Variants in SLC30A9 observed in about 807,000 individuals in gnomAD.
SLC30A9 encodes the protein proton-coupled zinc antiporter SLC30A9, mitochondrial.
A neutral mutation model predicts 87.5 loss-of-function variants in SLC30A9; 58 were observed. The observed-to-expected ratio is 0.66, with a 90% confidence interval of 0.54 to 0.82. SLC30A9 has a LOEUF of 0.82. SLC30A9 is among the 40% of genes least tolerant of loss of function. The pLI is 0.00. For missense variants in SLC30A9, 557 were observed against 679.1 expected, an observed-to-expected ratio of 0.82 and a Z score of 2.00; for synonymous variants, 234 against 233.0, an observed-to-expected ratio of 1.00 and a Z score of -0.04.
At chr4:42,049,526 G>A (rs2153138457) in intron 9 of SLC30A9, 47 bp downstream of exon 9, 2 of 1,004,584 alleles carry the variant, frequency 2.0e-6, no homozygotes, top group East Asian at 2.6e-5. Flanking sequence ...AGTAATAGTT[G>A]TAGGCTTTAA....
intron 1 of SLC30A9, among the ~76,000 whole-genome samples, chr4:41,995,661 A>G (rs1714667969): frequency 1.3e-5 from 2 of 152,188 alleles, no homozygotes; most frequent in Admixed American, 6.5e-5. Flanking sequence ...TGGGAGAAAG[A>G]GCAATTTGGG....
At chr4:42,007,928 A>G (rs1019236961) in intron 2 of SLC30A9, among the ~76,000 whole-genome samples, 4 of 152,144 alleles carry the variant, frequency 2.6e-5, no homozygotes, top group African/African-American at 7.2e-5. Context: ...AAAACAGATC[A>G]TGTCACTTTT....
intron 2 of SLC30A9, among the ~76,000 whole-genome samples, chr4:42,007,676 G>A (rs948832435): frequency 5.3e-5 from 8 of 152,146 alleles, no homozygotes; most frequent in African/African-American, 1.2e-4. Context: ...AGAATCGCTC[G>A]AACCCAGGAG....
chr4:41,992,007 T>C (rs1436853722), intron 1 of SLC30A9, among the ~76,000 whole-genome samples: 1 of 152,178 alleles, frequency 6.6e-6, no homozygotes, highest in Non-Finnish European at 1.5e-5. Context: ...TTTTTCCATA[T>C]TGGCAATATA....
At chr4:42,061,387 T>G (rs1359865072) in intron 10 of SLC30A9, among the ~76,000 whole-genome samples, 1 of 152,232 alleles carries the variant, frequency 6.6e-6, no homozygotes, top group Non-Finnish European at 1.5e-5. Flanking sequence ...TAATCAAAAT[T>G]TTCAATAAGT....
At position 41,992,607 on chromosome 4, in the gene SLC30A9, AAC is replaced by A. The variant is rs550148995; in HGVS notation, c.109+1851_109+1852del. On this transcript the variant is annotated intron_variant, in intron 1 of 17. Transcript: ENST00000264451. The stretch of plus-strand genomic sequence containing the variant: ...TATTCTTTGTCTCATCTGTCTGTGA[AAC>A]ACAGATAATTATTACCTACCTTAGT... Among the ~76,000 whole-genome samples, 467 of 152,322 alleles carry A rather than the reference AAC, an allele frequency of 3.1e-3. 1 individual carries two copies. Among genetic ancestry groups the A allele is most frequent in the African/African-American group, 0.011 (454 of 41,560 alleles).
intron 9 of SLC30A9, among the ~76,000 whole-genome samples, chr4:42,056,423 CAAGAG>C (rs1229979281): frequency 1.3e-5 from 2 of 152,114 alleles, no homozygotes; most frequent in African/African-American, 4.8e-5. Context: ...TGGCAGCAGA[CAAGAG>C]AAGAGGGCTT....
Position 42,021,679 on chromosome 4 carries a change from G to A in SLC30A9, c.435-1159G>A, listed in dbSNP as rs574993805. The stretch of plus-strand genomic sequence containing the variant: ...ATCTACATATAAACAAATAATGACT[G>A]TAAATTTTTAACTTAAATTCTTAAG... On this transcript the variant is annotated intron_variant, in intron 4 of 17. Transcript: ENST00000264451. 4.3e-3 allele frequency among the ~76,000 whole-genome samples: 647 copies of A among 152,134 alleles called. 8 individuals are homozygous for A. The highest frequency in any genetic ancestry group is 0.015 in the African/African-American group (623 of 41,484).
intron 2 of SLC30A9, among the ~76,000 whole-genome samples, chr4:42,003,744 C>A (rs566873435): frequency 1.4e-5 from 2 of 139,130 alleles, no homozygotes; most frequent in South Asian, 5.1e-4. Context: ...GTCCTGTTTT[C>A]TTAAATTCCT....
chr4:42,044,437 G>T, intron 8 of SLC30A9, among the ~76,000 whole-genome samples: 1 of 129,102 alleles, frequency 7.7e-6, no homozygotes, highest in African/African-American at 3.2e-5. Context: ...TGACAAAAAA[G>T]ATTTTAAACC....
At position 42,076,078 on chromosome 4, in the gene SLC30A9, T is replaced by C. The variant is rs541612642; in HGVS notation, c.1548+292T>C. On this transcript the variant is annotated intron_variant, in intron 16 of 17. Coordinates refer to ENST00000264451, the MANE Select transcript of SLC30A9 (RefSeq NM_006345.4). ...AATAACATTTTTATTTTAACATATA[T>C]AGAAATTGAAAGACAGAGATTAAGT... Among the ~76,000 whole-genome samples, 7 of 152,300 alleles carry C rather than the reference T, an allele frequency of 4.6e-5. No individual in the cohort carries two copies. In the East Asian group the frequency reaches 1.2e-3, roughly 25 times the overall value.
intron 17 of SLC30A9, among the ~76,000 whole-genome samples, chr4:42,084,775 G>A (rs958885481): frequency 6.6e-6 from 1 of 152,124 alleles, no homozygotes; most frequent in Admixed American, 6.5e-5. Context: ...CCGGCCAGGT[G>A]CCCTTCCTTT....
chr4:42,077,750 T>C (rs1718611367), intron 16 of SLC30A9, among the ~76,000 whole-genome samples: 1 of 152,178 alleles, frequency 6.6e-6, no homozygotes, highest in Admixed American at 6.5e-5. Flanking sequence ...TTTAATATGA[T>C]TTTTAATTTT....
At position 42,001,683 on chromosome 4, in the gene SLC30A9, T is replaced by A; in HGVS notation, c.177T>A (p.Gly59=). The A allele has an allele frequency of 1.2e-6, 2 of 1,608,736 alleles. No individual in the cohort carries two copies. The highest frequency in any genetic ancestry group is 1.7e-6 in the Non-Finnish European group (2 of 1,175,530). ...TTCCCTGTAGTCATCCATATATTGG[T>A]ACCCTGAGTCAAGTAAAGTTGTACT... The part of the protein sequence containing the change: ...NMVPCSHPYI[G]TLSQVKLYST... The change falls in exon 2 of 18, where the codon GGT becomes GGA. Residue 59 remains glycine (G), a synonymous_variant. Coordinates refer to ENST00000264451, the MANE Select transcript of SLC30A9 (RefSeq NM_006345.4).
At chr4:42,073,121 G>A (rs944561674) in intron 15 of SLC30A9, among the ~76,000 whole-genome samples, 7 of 152,156 alleles carry the variant, frequency 4.6e-5, no homozygotes, top group African/African-American at 1.7e-4. Flanking sequence ...TGATCCACCC[G>A]CCTCGGTCTC....
intron 2 of SLC30A9, 124 bp downstream of exon 2, chr4:42,001,904 G>A (rs1175162415): frequency 5.1e-6 from 3 of 589,564 alleles, no homozygotes; most frequent in Non-Finnish European, 5.7e-6. Context: ...TTTTCTTTGT[G>A]GGAACTATTA....
intron 6 of SLC30A9, among the ~76,000 whole-genome samples, chr4:42,025,815 G>A (rs556264756): frequency 4.6e-5 from 7 of 152,080 alleles, no homozygotes; most frequent in Admixed American, 2.0e-4. Flanking sequence ...ACAGGCACCC[G>A]CCACCGCGCC....
chr4:42,040,720 C>T (rs572662255), intron 8 of SLC30A9, among the ~76,000 whole-genome samples: 5 of 149,022 alleles, frequency 3.4e-5, no homozygotes, highest in South Asian at 4.3e-4. Flanking sequence ...GGTGTGAACC[C>T]GGGAGGTGGA....
At chr4:42,026,134 A>G (rs1266410951) in intron 6 of SLC30A9, among the ~76,000 whole-genome samples, 2 of 152,210 alleles carry the variant, frequency 1.3e-5, no homozygotes, top group African/African-American at 2.4e-5. Context: ...CTAGCTGACA[A>G]TCCACAGATA....
Sources: gnomAD v4.1 joint callset for allele counts (sites outside exome capture counted in the v4.1 genomes callset) on GRCh38, gnomAD v4.1.1 for gene constraint, MANE v1.5 for transcripts, NCBI Gene and HGNC (gene_info 2026-07-23, HGNC 2026-07-21) for gene names.